The following ERC2 variants were observed in gnomAD, a reference collection of about 807,000 sequenced individuals.
ERC2 encodes the protein ERC protein 2.
ERC2 carries 42 observed loss-of-function variants against 114.8 expected under a neutral mutation model. That is an observed-to-expected ratio of 0.37 (90% CI 0.29 to 0.47). The LOEUF (loss-of-function observed/expected upper bound fraction) is 0.47. ERC2 is among the 20% of genes least tolerant of loss of function. ERC2 has a pLI of 0.99. For missense variants in ERC2, 939 were observed against 1,150.7 expected (o/e 0.82, Z 2.66); for synonymous variants, 454 against 425.5 (o/e 1.07, Z -0.82).
chr3:55,609,483 A>G (rs1325204715), intron 17 of ERC2, among the ~76,000 whole-genome samples: 4 of 152,156 alleles, frequency 2.6e-5, no homozygotes, highest in Non-Finnish European at 5.9e-5. Context: ...AGCAGCCATC[A>G]TGCTCCACTG....
intron 3 of ERC2, among the ~76,000 whole-genome samples, chr3:56,176,976 G>C (rs1189535958): frequency 6.6e-6 from 1 of 152,150 alleles, no homozygotes; most frequent in Non-Finnish European, 1.5e-5. Flanking sequence ...CTATCTACTA[G>C]CTAGAAGTGA....
chr3:56,280,297 CT>C (rs1213437906), intron 3 of ERC2, among the ~76,000 whole-genome samples: 2 of 152,178 alleles, frequency 1.3e-5, no homozygotes, highest in Non-Finnish European at 2.9e-5. Flanking sequence ...CCCAGTGAAA[CT>C]GACTTCACAC....
chr3:55,549,930 A>AAGAGAGAG (rs372694701), intron 17 of ERC2, among the ~76,000 whole-genome samples: 2 of 94,050 alleles, frequency 2.1e-5, no homozygotes, highest in African/African-American at 4.2e-5. Context: ...CGACACACAC[A>AAGAGAGAG]AGAGAGAGAG....
intron 14 of ERC2, among the ~76,000 whole-genome samples, chr3:55,842,937 A>G (rs1424545837): frequency 6.6e-6 from 1 of 152,046 alleles, no homozygotes; most frequent in African/African-American, 2.4e-5. Context: ...GAGAGAGAGA[A>G]GGAGAGATCA....
chr3:56,016,448 T>C (rs542860841), intron 8 of ERC2, among the ~76,000 whole-genome samples: 49 of 151,460 alleles, frequency 3.2e-4, no homozygotes, highest in African/African-American at 1.2e-3. Flanking sequence ...TTTAATAACT[T>C]TTTAATTTAA....
chr3:55,706,851 C>T (rs1164268519), intron 15 of ERC2, among the ~76,000 whole-genome samples: 4 of 152,308 alleles, frequency 2.6e-5, no homozygotes, highest in African/African-American at 9.6e-5. Flanking sequence ...TGAGAGTTCT[C>T]ATCACTTAGC....
intron 13 of ERC2, among the ~76,000 whole-genome samples, chr3:55,920,625 C>T (rs2065371950): frequency 6.6e-6 from 1 of 152,108 alleles, no homozygotes; most frequent in Admixed American, 6.6e-5. Flanking sequence ...TAATGGCATA[C>T]ATCAACATGA....
intron 12 of ERC2, among the ~76,000 whole-genome samples, chr3:55,977,271 A>G (rs556219880): frequency 6.6e-6 from 1 of 152,338 alleles, no homozygotes; most frequent in South Asian, 2.1e-4. Flanking sequence ...CAGAAGACAT[A>G]AAAGAGATGA....
rs545250329 is a variant in ERC2 at position 55,882,204 on chromosome 3, T to C, written c.2564+6185A>G. On this transcript the variant is annotated intron_variant, in intron 14 of 17. Transcript: ENST00000288221. ...GATTGTTAAAAAGAGCATGGCTCTTTCCCTCATCTCCACCTTGCTTCCTCT... is the reference window on the plus strand; with the variant it reads ...GATTGTTAAAAAGAGCATGGCTCTTCCCCTCATCTCCACCTTGCTTCCTCT... Among the ~76,000 whole-genome samples, 390 of 152,264 alleles carry C rather than the reference T, an allele frequency of 2.6e-3. 2 individuals are homozygous for C. The highest frequency in any genetic ancestry group is 8.9e-3 in the African/African-American group (371 of 41,546).
chr3:56,278,743 G>A (rs2054167460), intron 3 of ERC2, among the ~76,000 whole-genome samples: 1 of 152,210 alleles, frequency 6.6e-6, no homozygotes, highest in African/African-American at 2.4e-5. Flanking sequence ...GGTGGAAGAG[G>A]AAGGGGAGCC....
At chr3:55,748,316 G>A (rs1245386578) in intron 14 of ERC2, among the ~76,000 whole-genome samples, 1 of 152,206 alleles carries the variant, frequency 6.6e-6, no homozygotes, top group Non-Finnish European at 1.5e-5. Flanking sequence ...GGTGGTCAGA[G>A]GCAGTTCATC....
chr3:55,971,462 T>C (rs1003609774), intron 12 of ERC2, among the ~76,000 whole-genome samples: 13 of 152,210 alleles, frequency 8.5e-5, no homozygotes, highest in Non-Finnish European at 1.5e-5. Context: ...CCACTCTCAC[T>C]GTTAAGGGTT....
intron 14 of ERC2, among the ~76,000 whole-genome samples, chr3:55,802,733 T>C (rs1334139285): frequency 6.6e-6 from 1 of 152,308 alleles, no homozygotes; most frequent in Admixed American, 6.5e-5. Flanking sequence ...CCCAAGTTAG[T>C]TGTTAAGGAA....
At chr3:55,663,575 A>T in intron 17 of ERC2, among the ~76,000 whole-genome samples, 1 of 152,162 alleles carries the variant, frequency 6.6e-6, no homozygotes, top group East Asian at 1.9e-4. Context: ...TCTGCAGATC[A>T]CCTATCAGGG....
chr3:55,669,070 T>C (rs1451011791), intron 17 of ERC2, among the ~76,000 whole-genome samples: 2 of 152,234 alleles, frequency 1.3e-5, no homozygotes, highest in Non-Finnish European at 2.9e-5. Context: ...TAGTTTTTCA[T>C]CTTATCAACA....
At chr3:56,010,239 A>G (rs530246725) in intron 9 of ERC2, among the ~76,000 whole-genome samples, 1 of 152,302 alleles carries the variant, frequency 6.6e-6, no homozygotes, top group Admixed American at 6.5e-5. Flanking sequence ...TGGTTAGCAG[A>G]GCAGAGAAGA....
At chr3:55,524,520 T>TC (rs369479599) in intron 17 of ERC2, among the ~76,000 whole-genome samples, 2 of 151,000 alleles carry the variant, frequency 1.3e-5, no homozygotes, top group Non-Finnish European at 2.9e-5. Context: ...TTTTTTTTTT[T>TC]CATGGCTCCA....
chr3:56,169,498 G>C (rs189543819), intron 4 of ERC2, among the ~76,000 whole-genome samples: 1 of 152,178 alleles, frequency 6.6e-6, no homozygotes, highest in Admixed American at 6.5e-5. Flanking sequence ...ATTTGTGATA[G>C]TTGGAGTTGC....
At chr3:55,987,896 A>C (rs1373733573) in intron 11 of ERC2, among the ~76,000 whole-genome samples, 1 of 152,122 alleles carries the variant, frequency 6.6e-6, no homozygotes, top group East Asian at 1.9e-4. Flanking sequence ...TCCTCTCCGC[A>C]TTGGGGAGGT....
Sources: gnomAD v4.1 joint callset for allele counts (sites outside exome capture counted in the v4.1 genomes callset) on GRCh38, gnomAD v4.1.1 for gene constraint, MANE v1.5 for transcripts, NCBI Gene and HGNC (gene_info 2026-07-23, HGNC 2026-07-21) for gene names.